Variants in AFG1L observed in about 807,000 individuals in gnomAD.
The protein encoded by AFG1L is AFG1-like ATPase.
A neutral mutation model predicts 62.2 loss-of-function variants in AFG1L; 53 were observed. The ratio of observed to expected loss-of-function variants is 0.85; its 90% confidence interval spans 0.68 to 1.07. The LOEUF (loss-of-function observed/expected upper bound fraction) is 1.07. Among genes scored for constraint, AFG1L ranks in the 50% least tolerant of loss-of-function variants. The probability of loss-of-function intolerance (pLI) is 0.00; values close to 1 mark genes in which losing one functional copy is unlikely to be tolerated. For synonymous variants in AFG1L, 228 were observed against 210.3 expected (o/e 1.08, Z -0.73); for missense variants, 555 against 590.5 (o/e 0.94, Z 0.62).
chr6:108,427,517 ATTTTT>A (rs34500468), intron 7 of AFG1L, among the ~76,000 whole-genome samples: 2 of 100,238 alleles, frequency 2.0e-5, no homozygotes, highest in Non-Finnish European at 3.9e-5. Context: ...TCAAAATGGA[ATTTTT>A]TTTTTTTTTT....
intron 10 of AFG1L, among the ~76,000 whole-genome samples, chr6:108,480,819 C>T (rs1227845364): frequency 6.6e-6 from 1 of 152,088 alleles, no homozygotes; most frequent in Non-Finnish European, 1.5e-5. Flanking sequence ...ATAACAACAA[C>T]AAAAATAAAT....
At chr6:108,489,557 G>A (rs1017650860) in intron 10 of AFG1L, among the ~76,000 whole-genome samples, 3 of 152,194 alleles carry the variant, frequency 2.0e-5, no homozygotes, top group Non-Finnish European at 4.4e-5. Context: ...GTACATGGCT[G>A]GACAGAGTAT....
chr6:108,311,534 T>G (rs1777411520), intron 1 of AFG1L, among the ~76,000 whole-genome samples: 1 of 152,204 alleles, frequency 6.6e-6, no homozygotes, highest in Admixed American at 6.6e-5. Flanking sequence ...GTTTTTGTTT[T>G]TCTTTTTTTT....
chr6:108,377,935 C>T (rs1181776273), intron 6 of AFG1L, among the ~76,000 whole-genome samples: 1 of 150,554 alleles, frequency 6.6e-6, no homozygotes, highest in East Asian at 1.9e-4. Context: ...TTTTCTCCTT[C>T]TCTCTCAGGA....
At chr6:108,377,742 A>G (rs1226951337) in intron 6 of AFG1L, among the ~76,000 whole-genome samples, 1 of 150,662 alleles carries the variant, frequency 6.6e-6, no homozygotes, top group Non-Finnish European at 1.5e-5. Context: ...TTCATTTTGT[A>G]TATAGTATCT....
At chr6:108,312,223 T>A (rs1777440162) in intron 1 of AFG1L, among the ~76,000 whole-genome samples, 1 of 152,174 alleles carries the variant, frequency 6.6e-6, no homozygotes. Context: ...TGGTCCCTCA[T>A]TTTTCCTAAG....
intron 7 of AFG1L, among the ~76,000 whole-genome samples, chr6:108,427,144 C>T (rs1209753012): frequency 4.0e-5 from 6 of 151,404 alleles, no homozygotes; most frequent in Non-Finnish European, 7.4e-5. Flanking sequence ...TCCCTATTGC[C>T]CAGGCTAGAG....
chr6:108,517,117 A>G (rs1050409805), intron 11 of AFG1L, among the ~76,000 whole-genome samples: 33 of 152,338 alleles, frequency 2.2e-4, no homozygotes, highest in South Asian at 1.0e-3. Flanking sequence ...CCATCAAGCT[A>G]CCAATGATTT....
At chr6:108,449,360 C>T (rs1582604996) in intron 8 of AFG1L, among the ~76,000 whole-genome samples, 1 of 152,056 alleles carries the variant, frequency 6.6e-6, no homozygotes, top group East Asian at 1.9e-4. Context: ...GAATAGAAAG[C>T]CTGGGGGCAC....
At chr6:108,484,093 A>G (rs1773433776) in intron 10 of AFG1L, among the ~76,000 whole-genome samples, 1 of 152,200 alleles carries the variant, frequency 6.6e-6, no homozygotes, top group Admixed American at 6.5e-5. Flanking sequence ...CTTGGCCAAG[A>G]GTCAAGGCTG....
chr6:108,372,692 T>G lies in AFG1L; in HGVS notation c.748+6360T>G, dbSNP rs141258090. On this transcript the variant is annotated intron_variant, in intron 6 of 12. Coordinates refer to ENST00000368977, the MANE Select transcript of AFG1L (RefSeq NM_145315.5). ...AGTCAAAGAGTCTCTTAAACCTTTC[T>G]GGGCCTATTTACTTGCAGAGAGGAG... is the stretch of plus-strand genomic sequence containing the variant. 4 of 154,314 alleles carry G rather than the reference T, an allele frequency of 2.6e-5. No homozygotes were observed. In the East Asian group the frequency reaches 7.7e-4, roughly 30 times the overall value. The allele number at this position is 154,314 out of a possible 1,614,324, so 9.6% of individuals were successfully genotyped here.
chr6:108,445,435 T>C (rs1332944111), intron 7 of AFG1L, among the ~76,000 whole-genome samples: 1 of 152,232 alleles, frequency 6.6e-6, no homozygotes, highest in African/African-American at 2.4e-5. Flanking sequence ...GCTAACTTTT[T>C]GTTGCAAGAG....
At chr6:108,300,132 A>C (rs1475217510) in intron 1 of AFG1L, among the ~76,000 whole-genome samples, 1 of 151,568 alleles carries the variant, frequency 6.6e-6, no homozygotes, top group African/African-American at 2.4e-5. Context: ...ATACATACAT[A>C]GGAGTTTATT....
At chr6:108,500,954 G>C (rs1774171763) in intron 10 of AFG1L, among the ~76,000 whole-genome samples, 3 of 151,952 alleles carry the variant, frequency 2.0e-5, no homozygotes, top group Admixed American at 1.3e-4. Flanking sequence ...TGTATTTCTT[G>C]TTTTAAGAGG....
intron 8 of AFG1L, among the ~76,000 whole-genome samples, chr6:108,460,211 C>T (rs1772400388): frequency 6.7e-6 from 1 of 149,264 alleles, no homozygotes; most frequent in African/African-American, 2.5e-5. Flanking sequence ...TATCAAGATG[C>T]AATTTTAAAT....
At chr6:108,339,910 T>C (rs1378966195) in intron 2 of AFG1L, among the ~76,000 whole-genome samples, 3 of 152,168 alleles carry the variant, frequency 2.0e-5, no homozygotes, top group Admixed American at 6.6e-5. Context: ...TACAATCAAA[T>C]TATATACTCT....
intron 3 of AFG1L, among the ~76,000 whole-genome samples, chr6:108,354,698 G>A (rs1230457829): frequency 1.3e-5 from 2 of 152,072 alleles, no homozygotes; most frequent in East Asian, 3.9e-4. Context: ...GATGATTTAT[G>A]TCCTGGGTGG....
rs143147847 is a variant in AFG1L at position 108,385,633 on chromosome 6, TG to T, written c.749-16362del. ...TTTCCCACTCCACACGCTATATTTC[TG>T]TACGTGTGTCTTTAATTTCTCTAGC... On this transcript the variant is annotated intron_variant, in intron 6 of 12. Transcript: ENST00000368977. 8.8e-3 allele frequency among the ~76,000 whole-genome samples: 1,335 copies of T among 152,332 alleles called. 16 individuals are homozygous for T. The highest frequency in any genetic ancestry group is 0.03 in the African/African-American group (1,233 of 41,558).
intron 12 of AFG1L, 48 bp from the exon 13 acceptor site, chr6:108,522,249 A>T: frequency 6.3e-7 from 1 of 1,589,938 alleles, no homozygotes; most frequent in Non-Finnish European, 8.6e-7. Context: ...GGTTCTGTAA[A>T]TTTTCATTTG....
Sources: allele counts gnomAD v4.1 joint callset (sites outside exome capture counted in the v4.1 genomes callset), GRCh38; gene constraint gnomAD v4.1.1; transcripts MANE v1.5; gene names NCBI Gene and HGNC (gene_info 2026-07-23, HGNC 2026-07-21).